The following OSBPL11 variants were observed in gnomAD, a reference collection of about 807,000 sequenced individuals.
OSBPL11 encodes the protein oxysterol-binding protein-related protein 11.
A neutral mutation model predicts 84.4 loss-of-function variants in OSBPL11; 33 were observed. That is an observed-to-expected ratio of 0.39 (90% CI 0.30 to 0.52). The LOEUF (loss-of-function observed/expected upper bound fraction) is 0.52, where lower values mean the gene tolerates loss of function less well. OSBPL11 is among the 20% of genes least tolerant of loss of function. The pLI is 0.72. For missense variants in OSBPL11, 736 were observed against 901.1 expected (o/e 0.82, Z 2.35); for synonymous variants, 276 against 310.2 (o/e 0.89, Z 1.16).
At chr3:125,594,104 T>TC in intron 1 of OSBPL11, among the ~76,000 whole-genome samples, 1 of 152,328 alleles carries the variant, frequency 6.6e-6, no homozygotes. Context: ...CAGGTTTAGT[T>TC]TATCAGAGGC....
rs1438378651 is a variant in OSBPL11, at chr3:125,594,918, G to C, written c.-118C>G. On this transcript the variant is annotated 5_prime_UTR_variant, in exon 1 of 13. Coordinates refer to ENST00000296220, the MANE Select transcript of OSBPL11 (RefSeq NM_022776.5). ...TATGATACCGGTTGCTAAATCACAC[G>C]GCGGCTGGGGCGGGACTGTCAAATG... The C allele has an allele frequency of 6.3e-6, 7 of 1,104,548 alleles. No homozygotes were observed. The highest frequency in any genetic ancestry group is 8.9e-6 in the Non-Finnish European group (7 of 782,774). The allele number at this position is 1,104,548 out of a possible 1,614,324, so 68.4% of individuals were successfully genotyped here.
chr3:125,585,778 T>C (rs1238188795), intron 1 of OSBPL11, among the ~76,000 whole-genome samples: 3 of 152,224 alleles, frequency 2.0e-5, no homozygotes, highest in Admixed American at 1.3e-4. Context: ...ATAGCCACTA[T>C]CGAAGGCAAC....
intron 10 of OSBPL11, among the ~76,000 whole-genome samples, chr3:125,540,792 C>G (rs58388246): frequency 6.6e-6 from 1 of 152,064 alleles, no homozygotes; most frequent in Admixed American, 6.6e-5. Flanking sequence ...TTACAGGGTC[C>G]GTATTGTTTA....
intron 4 of OSBPL11, among the ~76,000 whole-genome samples, chr3:125,577,247 T>C (rs553635427): frequency 6.6e-6 from 1 of 152,272 alleles, no homozygotes; most frequent in Admixed American, 6.5e-5. Context: ...AGTTATCACC[T>C]AGGTACGAAA....
At position 125,550,425 on chromosome 3, in the gene OSBPL11, A is replaced by AGAG. The variant is rs373970630; in HGVS notation, c.1654+1755_1654+1756insCTC. ...CACACACAACAAACAAAAAAAAAAAAAGAGAGTACTTTCTAATGTTATAAA... is the reference window on the plus strand; with the variant it reads ...CACACACAACAAACAAAAAAAAAAAAGAGAGAGAGTACTTTCTAATGTTATAAA... On this transcript the variant is annotated intron_variant, in intron 9 of 12. Coordinates refer to ENST00000296220, the MANE Select transcript of OSBPL11 (RefSeq NM_022776.5). 1.9e-4 allele frequency among the ~76,000 whole-genome samples: 28 copies of AGAG among 149,714 alleles called. No individual in the cohort carries two copies. The South Asian group carries it at 3.2e-3, about 17-fold the overall frequency.
At chr3:125,577,547 G>A (rs375489382) in intron 4 of OSBPL11, among the ~76,000 whole-genome samples, 1 of 152,232 alleles carries the variant, frequency 6.6e-6, no homozygotes, top group South Asian at 2.1e-4. Context: ...TAGAACTCTC[G>A]CTGGGCGTGG....
chr3:125,574,027 C>A (rs1030326126), intron 5 of OSBPL11, among the ~76,000 whole-genome samples: 5 of 152,082 alleles, frequency 3.3e-5, no homozygotes, highest in Admixed American at 3.3e-4. Flanking sequence ...CTGGATAATT[C>A]TAGAACAGTA....
At chr3:125,576,086 T>C (rs1166571996) in intron 5 of OSBPL11, 103 bp downstream of exon 5, 19 of 988,262 alleles carry the variant, frequency 1.9e-5, no homozygotes, top group Middle Eastern at 3.1e-4. Context: ...TAGGAAACAA[T>C]GAAGGCCCTT....
intron 8 of OSBPL11, among the ~76,000 whole-genome samples, chr3:125,556,887 C>T (rs1158983355): frequency 6.6e-6 from 1 of 152,146 alleles, no homozygotes; most frequent in Non-Finnish European, 1.5e-5. Flanking sequence ...ATTCCAAGTT[C>T]AGGCAGTGTT....
intron 6 of OSBPL11, 67 bp from the exon 7 acceptor site, chr3:125,563,910 T>C: frequency 6.4e-7 from 1 of 1,574,022 alleles, no homozygotes; most frequent in Non-Finnish European, 8.6e-7. Flanking sequence ...CAGATGTGGA[T>C]TTTAACAATT....
chr3:125,562,699 G>C (rs1279352915), intron 7 of OSBPL11, among the ~76,000 whole-genome samples: 1 of 152,146 alleles, frequency 6.6e-6, no homozygotes, highest in Non-Finnish European at 1.5e-5. Flanking sequence ...GGCTGAGGTG[G>C]GTAGATCACC....
At chr3:125,531,714 TG>T in intron 12 of OSBPL11, 146 bp downstream of exon 12, 1 of 663,668 alleles carries the variant, frequency 1.5e-6, no homozygotes, top group Non-Finnish European at 2.3e-6. Context: ...TTACCCAGGC[TG>T]GTCTCAAAAA....
At position 125,547,337 on chromosome 3, in the gene OSBPL11, G is replaced by T. The variant is rs1935834943; in HGVS notation, c.1841+69C>A. ...CTTCACATAGAACAGAGCAGAAAAA[G>T]AATAAGGAGTTGTAATACAAAATCA... On this transcript the variant is annotated intron_variant, in intron 10 of 12. Coordinates refer to ENST00000296220, the MANE Select transcript of OSBPL11 (RefSeq NM_022776.5). 5.3e-6 allele frequency: 7 copies of T among 1,328,174 alleles called. No homozygotes were observed. The Admixed American group carries it at 1.2e-4, about 23-fold the overall frequency. The allele number at this position is 1,328,174 out of a possible 1,614,324, so 82.3% of individuals were successfully genotyped here. A position where few individuals can be genotyped will look rare whatever the true frequency, so the allele number is the denominator to read the frequency against.
intron 11 of OSBPL11, among the ~76,000 whole-genome samples, chr3:125,533,042 C>A (rs1253998961): frequency 2.0e-5 from 3 of 151,894 alleles, no homozygotes; most frequent in African/African-American, 7.3e-5. Context: ...TGGGGATTAA[C>A]TGTAAATGAA....
At chr3:125,584,198 C>T (rs1038331622) in intron 1 of OSBPL11, among the ~76,000 whole-genome samples, 1 of 151,968 alleles carries the variant, frequency 6.6e-6, no homozygotes, top group Non-Finnish European at 1.5e-5. Context: ...AACCCCATCT[C>T]AACAAAAAAT....
intron 11 of OSBPL11, among the ~76,000 whole-genome samples, chr3:125,536,958 C>T (rs1346244911): frequency 2.6e-5 from 4 of 151,690 alleles, no homozygotes; most frequent in Admixed American, 6.6e-5. Flanking sequence ...CAGAAGTTCA[C>T]GACCAGCCTG....
chr3:125,572,432 G>A (rs570101416), intron 5 of OSBPL11, among the ~76,000 whole-genome samples: 5 of 152,236 alleles, frequency 3.3e-5, no homozygotes, highest in African/African-American at 9.6e-5. Flanking sequence ...AGATTTGGGA[G>A]GGGCCAGAGG....
chr3:125,552,156 T>TATATATAC (rs1363293109), intron 9 of OSBPL11, 25 bp downstream of exon 9: 2 of 1,252,420 alleles, frequency 1.6e-6, no homozygotes, highest in African/African-American at 3.0e-5. Context: ...TATATATATA[T>TATATATAC]ATATAAAATA....
At chr3:125,588,894 C>G (rs926630308) in intron 1 of OSBPL11, among the ~76,000 whole-genome samples, 1 of 152,158 alleles carries the variant, frequency 6.6e-6, no homozygotes, top group Non-Finnish European at 1.5e-5. Flanking sequence ...ACTGTATACT[C>G]AAAATCGCAA....
Sources: allele counts gnomAD v4.1 joint callset (sites outside exome capture counted in the v4.1 genomes callset), GRCh38; gene constraint gnomAD v4.1.1; transcripts MANE v1.5; gene names NCBI Gene and HGNC (gene_info 2026-07-23, HGNC 2026-07-21).